The following MFAP1 variants were observed in gnomAD, a reference collection of about 807,000 sequenced individuals.
MFAP1 encodes microfibril associated protein 1.
A neutral mutation model predicts 62.2 loss-of-function variants in MFAP1; 18 were observed. That is an observed-to-expected ratio of 0.29 (90% confidence interval 0.20 to 0.43). MFAP1 has a LOEUF of 0.43. Among genes scored for constraint, MFAP1 ranks in the 20% least tolerant of loss-of-function variants. The pLI is 1.00. For missense variants in MFAP1, 355 were observed against 559.7 expected (o/e 0.63, Z 3.69); for synonymous variants, 175 against 180.4 (o/e 0.97, Z 0.24).
intron 1 of MFAP1, among the ~76,000 whole-genome samples, chr15:43,821,072 T>G (rs1278578497): frequency 6.6e-6 from 1 of 152,122 alleles, no homozygotes; most frequent in Admixed American, 6.6e-5. Flanking sequence ...GGTAATTTTG[T>G]TTTTTTGTAG....
intron 6 of MFAP1, 85 bp downstream of exon 6, chr15:43,812,902 C>T: frequency 6.8e-7 from 1 of 1,475,684 alleles, no homozygotes; most frequent in Non-Finnish European, 9.2e-7. Context: ...GAATGGAACT[C>T]ACAGTAGGTA....
intron 1 of MFAP1, among the ~76,000 whole-genome samples, chr15:43,822,127 C>T (rs771687595): frequency 2.7e-5 from 4 of 149,616 alleles, no homozygotes; most frequent in Admixed American, 6.7e-5. Flanking sequence ...ATCGGCCGGA[C>T]GCAGTAGCTC....
At chr15:43,808,275 G>A (rs866594357) in intron 7 of MFAP1, among the ~76,000 whole-genome samples, 3 of 152,178 alleles carry the variant, frequency 2.0e-5, no homozygotes, top group Non-Finnish European at 4.4e-5. Context: ...GCACGATCAC[G>A]GCTGACTGCA....
At chr15:43,809,584 T>C (rs1446637938) in intron 7 of MFAP1, among the ~76,000 whole-genome samples, 171 bp downstream of exon 7, 1 of 152,116 alleles carries the variant, frequency 6.6e-6, no homozygotes, top group African/African-American at 2.4e-5. Context: ...TGTCATCCAA[T>C]TGCTGATGCT....
chr15:43,817,569 G>T, intron 1 of MFAP1, 121 bp from the exon 2 acceptor site: 1 of 955,024 alleles, frequency 1.0e-6, no homozygotes, highest in Non-Finnish European at 1.6e-6. Flanking sequence ...AGAAGAAGAA[G>T]AGAGCCACTA....
intron 1 of MFAP1, among the ~76,000 whole-genome samples, chr15:43,819,487 G>A (rs116747906): frequency 0.017 from 2,586 of 151,980 alleles, 79 homozygotes; most frequent in African/African-American, 0.06. Context: ...AGATACAGCA[G>A]ACTTTATACT....
chr15:43,811,744 GTGA>G, intron 6 of MFAP1, among the ~76,000 whole-genome samples: 1 of 152,136 alleles, frequency 6.6e-6, no homozygotes, highest in South Asian at 2.1e-4. Context: ...TCAGCCTGAA[GTGA>G]TTCGCCTGCC....
At chr15:43,810,749 T>C (rs774900775) in intron 6 of MFAP1, among the ~76,000 whole-genome samples, 2 of 150,504 alleles carry the variant, frequency 1.3e-5, no homozygotes, top group Non-Finnish European at 3.0e-5. Flanking sequence ...ATACACACAA[T>C]TTTGTGTACA....
rs749320197 is a variant in MFAP1 at position 43,805,129 on chromosome 15, C to G, written c.1285G>C (p.Glu429Gln). ...TTCCGCTTCTTGGCAGATGGCCGCT[C>G]AAATACATCTCGTACCCCAGCTGCC... ...QKAAGVRDVFERPSAKKRKTT is the reference protein window; with the variant it reads ...QKAAGVRDVFQRPSAKKRKTT The change falls in exon 9 of 9, where the codon GAG becomes CAG. Residue 429 changes from glutamate (E) to glutamine (Q), a missense_variant. By Grantham distance (29) the Glu-to-Gln change is conservative. Transcript: ENST00000267812. 5.4e-5 allele frequency: 86 copies of G among 1,594,314 alleles called. No homozygotes were observed. The highest frequency in any genetic ancestry group is 7.4e-5 in the Non-Finnish European group (86 of 1,163,788).
intron 1 of MFAP1, among the ~76,000 whole-genome samples, chr15:43,824,034 A>C (rs1223611275): frequency 6.6e-6 from 1 of 151,914 alleles, no homozygotes; most frequent in Non-Finnish European, 1.5e-5. Flanking sequence ...TATATACTTA[A>C]GTTCCTAATT....
At chr15:43,805,608 A>T in intron 7 of MFAP1, 143 bp from the exon 8 acceptor site, 1 of 635,936 alleles carries the variant, frequency 1.6e-6, no homozygotes, top group Non-Finnish European at 2.6e-6. Context: ...AGTTGAAGAG[A>T]TGACATTCTT....
chr15:43,820,096 G>A (rs550143526), intron 1 of MFAP1, among the ~76,000 whole-genome samples: 1 of 152,166 alleles, frequency 6.6e-6, no homozygotes, highest in African/African-American at 2.4e-5. Flanking sequence ...TGCAGTGAGC[G>A]AGATAGCACC....
intron 1 of MFAP1, among the ~76,000 whole-genome samples, chr15:43,822,289 T>A (rs1186849095): frequency 6.6e-6 from 1 of 152,048 alleles, no homozygotes; most frequent in Non-Finnish European, 1.5e-5. Flanking sequence ...CCTGTTAGAT[T>A]GGGCAAAAAA....
chr15:43,814,714 T>G, intron 3 of MFAP1, 26 bp from the exon 4 acceptor site: 1 of 1,609,176 alleles, frequency 6.2e-7, no homozygotes, highest in Non-Finnish European at 8.5e-7. Context: ...TATAAGCCAG[T>G]CAGTCAAATG....
At chr15:43,818,014 A>C (rs1758728115) in intron 1 of MFAP1, among the ~76,000 whole-genome samples, 1 of 150,080 alleles carries the variant, frequency 6.7e-6, no homozygotes, top group Non-Finnish European at 1.5e-5. Flanking sequence ...TTACAAATAC[A>C]ATTCTTTTTT....
At chr15:43,814,280 A>G (rs2087421124) in intron 4 of MFAP1, among the ~76,000 whole-genome samples, 1 of 152,192 alleles carries the variant, frequency 6.6e-6, no homozygotes, top group Non-Finnish European at 1.5e-5. Flanking sequence ...TTGGACAGAT[A>G]TATGCTCTAT....
intron 3 of MFAP1, 121 bp downstream of exon 3, chr15:43,814,824 G>A: frequency 1.3e-6 from 2 of 1,493,060 alleles, no homozygotes; most frequent in African/African-American, 1.4e-5. Flanking sequence ...CCACAAACAA[G>A]GAACATGATC....
Position 43,824,558 on chromosome 15 carries a change from T to C in MFAP1, c.12A>G (p.Pro4=). Residue 4 remains proline, a synonymous_variant, in exon 1 of 9, where the codon CCA becomes CCG. Transcript: ENST00000267812. MSV[P]SALMKQPPIQ... is the part of the protein sequence containing the mutation. The stretch of plus-strand genomic sequence containing the variant: ...TGGGCGGTTGCTTCATGAGAGCGCT[T>C]GGGACCGACATGTTGATGGCAGCGA... The C allele has an allele frequency of 6.2e-7, 1 of 1,614,152 alleles. No homozygotes were observed. Among genetic ancestry groups the C allele is most frequent in the Non-Finnish European group, 8.5e-7 (1 of 1,180,030 alleles).
chr15:43,811,240 A>G (rs2141706556), intron 6 of MFAP1, among the ~76,000 whole-genome samples: 1 of 149,830 alleles, frequency 6.7e-6, no homozygotes, highest in Middle Eastern at 3.4e-3. Flanking sequence ...CATGGTGAAA[A>G]CCCACCTCTA....
Sources: gnomAD v4.1 joint callset for allele counts (sites outside exome capture counted in the v4.1 genomes callset) on GRCh38, gnomAD v4.1.1 for gene constraint, MANE v1.5 for transcripts, NCBI Gene and HGNC (gene_info 2026-07-23, HGNC 2026-07-21) for gene names.